DROSHA: variants seen among roughly 807,000 people sequenced by gnomAD.
DROSHA encodes the protein ribonuclease 3.
In DROSHA, 56 loss-of-function variants were observed where a neutral mutation model predicts 181.9. That is an observed-to-expected ratio of 0.31 (90% confidence interval 0.25 to 0.38). The LOEUF is 0.38. Ranked by LOEUF, DROSHA falls within the 10% of genes least tolerant of loss-of-function variation. DROSHA has a pLI of 1.00. For synonymous variants in DROSHA, 524 were observed against 591.2 expected, an observed-to-expected ratio of 0.89 and a Z score of 1.65; for missense variants, 1,218 against 1,743.5, an observed-to-expected ratio of 0.70 and a Z score of 5.37.
chr5:31,464,372 C>T (rs1285153362), intron 19 of DROSHA, 29 bp from the exon 20 acceptor site: 2 of 1,596,734 alleles, frequency 1.3e-6, no homozygotes, highest in Non-Finnish European at 1.7e-6. Flanking sequence ...TGATGAGTAA[C>T]ACAACTGCTA....
At chr5:31,500,078 C>T (rs1446046426) in intron 11 of DROSHA, among the ~76,000 whole-genome samples, 1 of 152,166 alleles carries the variant, frequency 6.6e-6, no homozygotes, top group Non-Finnish European at 1.5e-5. Context: ...AGAGATGGCA[C>T]ATCCCTCCCA....
At chr5:31,477,111 CG>C (rs1750462961) in intron 16 of DROSHA, among the ~76,000 whole-genome samples, 1 of 152,140 alleles carries the variant, frequency 6.6e-6, no homozygotes, top group African/African-American at 2.4e-5. Flanking sequence ...GCTCATTATT[CG>C]GGAAGAACTG....
chr5:31,524,885 CA>C (rs2150063042), intron 5 of DROSHA, among the ~76,000 whole-genome samples: 1 of 152,220 alleles, frequency 6.6e-6, no homozygotes, highest in African/African-American at 2.4e-5. Flanking sequence ...CATTTCAATG[CA>C]ACAAAATCAG....
chr5:31,405,133 C>G (rs676970), intron 35 of DROSHA, among the ~76,000 whole-genome samples: 81,777 of 152,000 alleles, frequency 0.54, 23,651 homozygotes, highest in African/African-American at 0.75. Context: ...TTTGGAGGCC[C>G]AGGTGGGTGG....
chr5:31,489,899 G>A (rs569615451), intron 13 of DROSHA, among the ~76,000 whole-genome samples: 52 of 5,432 alleles, frequency 9.6e-3, no homozygotes, highest in African/African-American at 0.011. Flanking sequence ...TTTTTTTGAC[G>A]CGGAGTTTCG....
intron 30 of DROSHA, among the ~76,000 whole-genome samples, chr5:31,416,734 T>G (rs1352031590): frequency 1.3e-5 from 2 of 152,168 alleles, no homozygotes; most frequent in Admixed American, 6.5e-5. Flanking sequence ...AGCAGCTCAG[T>G]GCAGAGGTGC....
chr5:31,401,425 C>G lies in DROSHA; in HGVS notation c.*7G>C, dbSNP rs1272187169. ...CAAGTAAATACTCCACACTTGCATG[C>G]CCTCCTTTATTTCTTGATGTCTTCA... is the stretch of plus-strand genomic sequence containing the variant. On this transcript the variant is annotated 3_prime_UTR_variant, in exon 36 of 36. Transcript: ENST00000344624. The G allele has an allele frequency of 2.5e-6, 4 of 1,611,288 alleles. 1 individual carries two copies. In the South Asian group the frequency reaches 4.4e-5, roughly 18 times the overall value.
intron 8 of DROSHA, among the ~76,000 whole-genome samples, chr5:31,513,506 C>T (rs867515005): frequency 6.6e-6 from 1 of 152,126 alleles, no homozygotes; most frequent in Non-Finnish European, 1.5e-5. Context: ...ATTCAGGCAC[C>T]GTAAAGTGCA....
intron 20 of DROSHA, among the ~76,000 whole-genome samples, chr5:31,453,063 T>C (rs1380735248): frequency 2.0e-5 from 3 of 152,238 alleles, no homozygotes; most frequent in Non-Finnish European, 2.9e-5. Context: ...ACATGAAGAC[T>C]ATTCAGTGCA....
intron 30 of DROSHA, among the ~76,000 whole-genome samples, chr5:31,417,394 G>A (rs1270324498): frequency 6.6e-6 from 1 of 152,148 alleles, no homozygotes. Context: ...GGGAGGTTTT[G>A]TGCAGAAGAG....
chr5:31,451,150 C>T (rs922057543), intron 21 of DROSHA, among the ~76,000 whole-genome samples: 1 of 151,792 alleles, frequency 6.6e-6, no homozygotes, highest in African/African-American at 2.4e-5. Flanking sequence ...TGCAGTGGGC[C>T]GAGATCACGC....
At chr5:31,502,758 C>T (rs1289251454) in intron 11 of DROSHA, among the ~76,000 whole-genome samples, 1 of 152,188 alleles carries the variant, frequency 6.6e-6, no homozygotes, top group Non-Finnish European at 1.5e-5. Flanking sequence ...GGTCAGTTGG[C>T]AAGAGTGGCT....
chr5:31,485,569 C>T (rs562034037), intron 14 of DROSHA, among the ~76,000 whole-genome samples: 3 of 148,280 alleles, frequency 2.0e-5, no homozygotes, highest in Admixed American at 6.9e-5. Context: ...CGTGAGATCA[C>T]GCCAGAAGTC....
At chr5:31,428,862 T>C (rs1362255880) in intron 27 of DROSHA, among the ~76,000 whole-genome samples, 1 of 152,236 alleles carries the variant, frequency 6.6e-6, no homozygotes, top group African/African-American at 2.4e-5. Context: ...CAGTGTACTC[T>C]ATTACATGCA....
rs1465697044 is a variant in DROSHA at position 31,514,162 on chromosome 5, C to CT, written c.1290+825dup. ...TGGGCAACTTCGTAGGGTTGGTGCT[C>CT]TTTTGGTCAAGGATACACTTCGAAG... On this transcript the variant is annotated intron_variant, in intron 8 of 35. Coordinates refer to ENST00000344624, the MANE Select transcript of DROSHA (RefSeq NM_001382508.1). This position sits in a 1 kb window ranked among gnomAD's most constrained non-coding sequence, Gnocchi z 4.4. Among the ~76,000 whole-genome samples the CT allele has an allele frequency of 6.6e-6, 1 of 152,002 alleles. No individual in the cohort carries two copies. The highest frequency in any genetic ancestry group is 2.4e-5 in the African/African-American group (1 of 41,362).
intron 10 of DROSHA, among the ~76,000 whole-genome samples, chr5:31,507,340 C>T (rs12513404): frequency 0.5 from 75,628 of 151,640 alleles, 21,561 homozygotes; most frequent in Non-Finnish European, 0.65. Context: ...CATGCCTATA[C>T]TCCCAGCTAC....
chr5:31,494,748 C>T (rs924870971), intron 12 of DROSHA, among the ~76,000 whole-genome samples: 16 of 151,928 alleles, frequency 1.1e-4, no homozygotes, highest in Admixed American at 3.9e-4. Flanking sequence ...TAAAGTGGTG[C>T]GATCTCGGCT....
intron 20 of DROSHA, among the ~76,000 whole-genome samples, chr5:31,453,595 A>G (rs1747288530): frequency 6.6e-6 from 1 of 152,196 alleles, no homozygotes; most frequent in Admixed American, 6.5e-5. Context: ...AATGCATTTA[A>G]TGGCAGGCTT....
chr5:31,510,454 A>G (rs1466061054), intron 9 of DROSHA, among the ~76,000 whole-genome samples: 3 of 152,242 alleles, frequency 2.0e-5, no homozygotes, highest in Non-Finnish European at 4.4e-5. Flanking sequence ...CTAAATGCAC[A>G]CTGAATGTCT....
Sources: allele counts gnomAD v4.1 joint callset (sites outside exome capture counted in the v4.1 genomes callset), GRCh38; gene constraint gnomAD v4.1.1; non-coding constraint Gnocchi (gnomAD v3.1); transcripts MANE v1.5; gene names NCBI Gene and HGNC (gene_info 2026-07-23, HGNC 2026-07-21).